The following ZNF365 variants were observed in gnomAD, a reference collection of about 807,000 sequenced individuals.
ZNF365 encodes zinc finger protein 365.
In ZNF365, 22 loss-of-function variants were observed where a neutral mutation model predicts 35.0. The observed-to-expected ratio is 0.63, with a 90% CI of 0.45 to 0.90. The LOEUF (loss-of-function observed/expected upper bound fraction) is 0.90. Among genes scored for constraint, ZNF365 ranks in the 40% least tolerant of loss-of-function variants. ZNF365 has a pLI of 0.00. For synonymous variants in ZNF365, 188 were observed against 196.2 expected (o/e 0.96, Z 0.35); for missense variants, 448 against 500.3 (o/e 0.90, Z 1.00).
intron 4 of ZNF365, among the ~76,000 whole-genome samples, chr10:62,468,309 G>T (rs960408675): frequency 1.3e-5 from 2 of 152,098 alleles, no homozygotes; most frequent in Admixed American, 6.5e-5. Flanking sequence ...ATGTATGTAT[G>T]TATTATGAAT....
At chr10:62,403,827 A>G (rs976860334), downstream of ZNF365, among the ~76,000 whole-genome samples, 7 of 152,192 alleles carry the variant, frequency 4.6e-5, no homozygotes, top group Non-Finnish European at 8.8e-5. Context: ...TTATTAGAAA[A>G]CATAAATCCC....
chr10:62,401,356 A>T lies in ZNF365; in HGVS notation c.*1567A>T, dbSNP rs1176223741. On this transcript the variant is annotated 3_prime_UTR_variant, in exon 5 of 5. Coordinates refer to ENST00000395254, the MANE Select transcript of ZNF365 (RefSeq NM_014951.3). ...GCAATAAGCATCAAATTAGCAGCGCATTAAAAATAGGAAATAAAGCAGTTG... is the reference window on the plus strand; with the variant it reads ...GCAATAAGCATCAAATTAGCAGCGCTTTAAAAATAGGAAATAAAGCAGTTG... 4 of 985,466 alleles carry T rather than the reference A, an allele frequency of 4.1e-6. No individual in the cohort carries two copies. Among genetic ancestry groups the T allele is most frequent in the African/African-American group, 1.7e-5 (1 of 57,246 alleles). 61.0% of individuals were successfully genotyped at this position (985,466 alleles called of 1,614,324 possible).
Position 62,446,827 on chromosome 10 carries a change from G to A in ZNF365, c.925-12914G>A, listed in dbSNP as rs1227511649. On this transcript the variant is annotated intron_variant, in intron 3 of 4. Coordinates refer to the ZNF365 transcript ENST00000395255. ...CTGCTCTGGCCTGGGACTGTCAGGA[G>A]CGGCTTGAGTTACTAGTTTTGATGT... Among the ~76,000 whole-genome samples the A allele has an allele frequency of 2.6e-5, 4 of 152,274 alleles. No individual in the cohort carries two copies. In the South Asian group the frequency reaches 8.3e-4, roughly 32 times the overall value.
At chr10:62,459,853 A>T in intron 4 of ZNF365, 2 of 1,517,762 alleles carry the variant, frequency 1.3e-6, no homozygotes. Context: ...CCAGCAGCCC[A>T]TCTGGGTCCA....
chr10:62,396,169 C>T (rs1232094544), intron 3 of ZNF365, among the ~76,000 whole-genome samples: 1 of 152,162 alleles, frequency 6.6e-6, no homozygotes, highest in Non-Finnish European at 1.5e-5. Context: ...TTTATAGGAT[C>T]TTTGGAGGAA....
intron 4 of ZNF365, among the ~76,000 whole-genome samples, chr10:62,469,555 AT>A (rs1158643117): frequency 6.6e-6 from 1 of 152,042 alleles, no homozygotes; most frequent in African/African-American, 2.4e-5. Flanking sequence ...TAAAGTTTAT[AT>A]TTTTTATTTA....
intron 3 of ZNF365, among the ~76,000 whole-genome samples, chr10:62,388,957 C>G (rs139018155): frequency 6.6e-6 from 1 of 152,096 alleles, no homozygotes; most frequent in Non-Finnish European, 1.5e-5. Flanking sequence ...GAGAATCTTA[C>G]GAAATTCAGT....
At chr10:62,479,331 G>A (rs1841183667) in intron 4 of ZNF365, among the ~76,000 whole-genome samples, 1 of 152,136 alleles carries the variant, frequency 6.6e-6, no homozygotes, top group Non-Finnish European at 1.5e-5. Context: ...TCAACATATA[G>A]AAAAAGCACA....
intron 3 of ZNF365, among the ~76,000 whole-genome samples, chr10:62,409,788 C>A (rs1021843664): frequency 1.3e-5 from 2 of 152,114 alleles, no homozygotes; most frequent in Admixed American, 1.3e-4. Context: ...ATCCAACCAA[C>A]CAACCAACCA....
rs758310261 is a variant in ZNF365 at position 62,388,493 on chromosome 10, C to T, written c.841C>T (p.Arg281Trp). The stretch of plus-strand genomic sequence containing the variant: ...GGACTTTATTGAGAATCTGTTACAG[C>T]GGGTAGAACTGGCGGAGAAGCAGCT... ...LQDFIENLLQ[R>W]VELAEKQLEY... Residue 281 changes from arginine to tryptophan, a missense_variant, in exon 3 of 5, where the codon CGG becomes TGG. Physicochemically the swap from Arg to Trp is moderately radical, Grantham distance 101 (BLOSUM62 -3). Transcript: ENST00000395254. 6 of 1,614,022 alleles carry T rather than the reference C, an allele frequency of 3.7e-6. No homozygotes were observed. The highest frequency in any genetic ancestry group is 4.2e-6 in the Non-Finnish European group (5 of 1,180,052).
At chr10:62,390,990 G>A (rs1391854870) in intron 3 of ZNF365, among the ~76,000 whole-genome samples, 1 of 152,204 alleles carries the variant, frequency 6.6e-6, no homozygotes, top group Admixed American at 6.5e-5. Context: ...AGTGTCTGGT[G>A]AGTGAATGTG....
chr10:62,449,279 T>G (rs999772266), intron 3 of ZNF365, among the ~76,000 whole-genome samples: 1 of 152,240 alleles, frequency 6.6e-6, no homozygotes, highest in South Asian at 2.1e-4. Context: ...TTTGGTGATT[T>G]CTATAAAAGT....
chr10:62,456,395 C>T (rs1010057420), intron 3 of ZNF365, among the ~76,000 whole-genome samples: 1 of 152,004 alleles, frequency 6.6e-6, no homozygotes, highest in African/African-American at 2.4e-5. Context: ...TTGTCCATGC[C>T]GTGTAAGATG....
At chr10:62,427,256 G>C (rs968681222) in intron 3 of ZNF365, among the ~76,000 whole-genome samples, 1 of 152,040 alleles carries the variant, frequency 6.6e-6, no homozygotes, top group Non-Finnish European at 1.5e-5. Flanking sequence ...CTATGATGGC[G>C]GTCCCATGAG....
At chr10:62,392,117 T>G (rs953090061) in intron 3 of ZNF365, among the ~76,000 whole-genome samples, 8 of 152,224 alleles carry the variant, frequency 5.3e-5, no homozygotes, top group Non-Finnish European at 1.2e-4. Flanking sequence ...TGCTAATTTG[T>G]TTGAGTTCCT....
chr10:62,382,909 A>T (rs1196858292), intron 2 of ZNF365, among the ~76,000 whole-genome samples: 1 of 152,200 alleles, frequency 6.6e-6, no homozygotes, highest in Non-Finnish European at 1.5e-5. Flanking sequence ...TAAATCAGTC[A>T]TGTAAAGTGA....
chr10:62,432,128 G>T (rs999574561), intron 3 of ZNF365, among the ~76,000 whole-genome samples: 1 of 152,194 alleles, frequency 6.6e-6, no homozygotes, highest in East Asian at 1.9e-4. Context: ...ACTTCCAGCA[G>T]TATTGTTCAT....
intron 3 of ZNF365, among the ~76,000 whole-genome samples, chr10:62,397,090 C>T (rs1204026017): frequency 6.6e-6 from 1 of 152,206 alleles, no homozygotes; most frequent in Non-Finnish European, 1.5e-5. Context: ...ATCTGTCCCA[C>T]CTTCTTTGTA....
rs1200159133 is a variant in ZNF365, at chr10:62,376,364, C to T, written c.171C>T (p.Thr57=). The change falls in exon 2 of 5, where the codon ACC becomes ACT. Residue 57 remains threonine (T), a synonymous_variant. Coordinates refer to ENST00000395254, the MANE Select transcript of ZNF365 (RefSeq NM_014951.3). ...LEFSHSYEER[T]LLTKCSLFPS... ...TCAGTCACAGCTACGAAGAAAGAAC[C>T]CTCTTGACAAAATGCAGTCTCTTTC... 1.2e-6 allele frequency: 2 copies of T among 1,614,136 alleles called. No individual in the cohort carries two copies. Among genetic ancestry groups the T allele is most frequent in the Non-Finnish European group, 1.7e-6 (2 of 1,180,026 alleles).
Sources: allele counts gnomAD v4.1 joint callset (sites outside exome capture counted in the v4.1 genomes callset), GRCh38; gene constraint gnomAD v4.1.1; transcripts MANE v1.5; gene names NCBI Gene and HGNC (gene_info 2026-07-23, HGNC 2026-07-21).